KNOP1: variants seen among roughly 807,000 people sequenced by gnomAD.
KNOP1 encodes lysine-rich nucleolar protein 1.
Under a neutral mutation model 30.6 loss-of-function variants are expected in KNOP1, and 20 were observed. The observed-to-expected ratio is 0.65, with a 90% CI of 0.46 to 0.95. The LOEUF (loss-of-function observed/expected upper bound fraction) is 0.95. Among genes scored for constraint, KNOP1 ranks in the 40% least tolerant of loss-of-function variants. The pLI, the probability that KNOP1 is intolerant of heterozygous loss-of-function variation, is 0.00. For missense variants in KNOP1, 540 were observed against 562.0 expected (o/e 0.96, Z 0.40); for synonymous variants, 204 against 210.0 (o/e 0.97, Z 0.25).
At chr16:19,710,092 C>G (rs1479325285) in intron 4 of KNOP1, among the ~76,000 whole-genome samples, 1 of 152,146 alleles carries the variant, frequency 6.6e-6, no homozygotes. Flanking sequence ...ATTTCCCAGT[C>G]AGACTGGATC....
At chr16:19,708,431 C>T (rs1179320333) in intron 4 of KNOP1, among the ~76,000 whole-genome samples, 1 of 151,838 alleles carries the variant, frequency 6.6e-6, no homozygotes. Flanking sequence ...TGACCCTGCT[C>T]AAGTCCCCTA....
In KNOP1 at chr16:19,714,364, G is replaced by A. The variant is rs1244297717; in HGVS notation, c.672C>T (p.Ala224=). The change falls in exon 2 of 5, where the codon GCC becomes GCT. Residue 224 remains alanine, a synonymous_variant. Transcript: ENST00000219837. ...TGGAGGGCTTGGAGTGGCCTGGGAG[G>A]GCATCTCCCTCCTGGTGGATTTTTT... ...KKKKIHQEGD[A]LPGHSKPSRS... 3 of 1,613,960 alleles carry A rather than the reference G, an allele frequency of 1.9e-6. No individual in the cohort carries two copies. The East Asian group carries it at 6.7e-5, about 36-fold the overall frequency.
rs1236284958 is a variant in KNOP1, at chr16:19,706,815, G to C, written c.*95C>G. 3 of 1,352,422 alleles carry C rather than the reference G, an allele frequency of 2.2e-6. No homozygotes were observed. Among genetic ancestry groups the C allele is most frequent in the Non-Finnish European group, 3.1e-6 (3 of 969,152 alleles). 83.8% of individuals were successfully genotyped at this position (1,352,422 alleles called of 1,614,324 possible). A position where few individuals can be genotyped will look rare whatever the true frequency, so the allele number is the denominator to read the frequency against. On this transcript the variant is annotated 3_prime_UTR_variant, in exon 5 of 5. Transcript: ENST00000219837. ...TCTTACTGCTCGAGGTCCTCACCAA[G>C]ATCTGATTTTTTCACAAAAAAAATT...
intron 1 of KNOP1, chr16:19,717,765 C>T: frequency 1.0e-6 from 1 of 996,496 alleles, no homozygotes; most frequent in Non-Finnish European, 1.2e-6. Flanking sequence ...ATTCACTTGC[C>T]CTAGGTTCCA....
intron 1 of KNOP1, chr16:19,715,413 C>CTT (rs59694825): frequency 0.01 from 1,294 of 126,616 alleles, 33 homozygotes; most frequent in African/African-American, 0.033. Flanking sequence ...TTCTTTTTCT[C>CTT]TTTTTTTTTT....
At chr16:19,707,694 C>A (rs1452214910) in intron 4 of KNOP1, among the ~76,000 whole-genome samples, 2 of 119,734 alleles carry the variant, frequency 1.7e-5, no homozygotes, top group African/African-American at 6.5e-5. Context: ...AGCACACTCC[C>A]CCACCACTCT....
At chr16:19,717,959 G>A (rs956698950) in intron 1 of KNOP1, 199 bp downstream of exon 1, 27 of 1,244,906 alleles carry the variant, frequency 2.2e-5, no homozygotes, top group Non-Finnish European at 2.4e-5. Context: ...GGGATTACGT[G>A]GGGTCCCAGG....
In KNOP1 at chr16:19,706,784, T is replaced by C. The variant is rs1253300865; in HGVS notation, c.*126A>G. The C allele has an allele frequency of 3.1e-6, 3 of 959,934 alleles. No homozygotes were observed. Among genetic ancestry groups the C allele is most frequent in the Non-Finnish European group, 4.8e-6 (3 of 626,564 alleles). 59.5% of individuals were successfully genotyped at this position (959,934 alleles called of 1,614,324 possible). A position where few individuals can be genotyped will look rare whatever the true frequency, so the allele number is the denominator to read the frequency against. On this transcript the variant is annotated 3_prime_UTR_variant, in exon 5 of 5. Transcript: ENST00000219837. ...TGGAACGCTAAGCTTATGGGAGTTA[T>C]TTATATCTTACTGCTCGAGGTCCTC...
intron 3 of KNOP1, 92 bp from the exon 4 acceptor site, chr16:19,710,678 ACG>A: frequency 1.0e-6 from 1 of 1,003,568 alleles, no homozygotes; most frequent in South Asian, 1.3e-5. Context: ...GGGGAACGGA[ACG>A]TGGGAGGAAC....
rs1976356294 is a variant in KNOP1 at position 19,706,496 on chromosome 16, A to C, written c.*414T>G. 1 of 185,652 alleles carries C rather than the reference A, an allele frequency of 5.4e-6. No homozygotes were observed. Among genetic ancestry groups the C allele is most frequent in the South Asian group, 1.2e-4 (1 of 8,158 alleles). 11.5% of individuals were successfully genotyped at this position (185,652 alleles called of 1,614,324 possible). Reference sequence around the variant, plus strand: ...AGGAAAACACTAGTATGTCCCTAGTACCTGCTAAACACTCAACAAAAGTTA... The same window carrying C: ...AGGAAAACACTAGTATGTCCCTAGTCCCTGCTAAACACTCAACAAAAGTTA... On this transcript the variant is annotated 3_prime_UTR_variant, in exon 5 of 5. Coordinates refer to ENST00000219837, the MANE Select transcript of KNOP1 (RefSeq NM_001012991.3).
At chr16:19,713,203 G>A (rs979104873) in intron 2 of KNOP1, among the ~76,000 whole-genome samples, 27 of 151,828 alleles carry the variant, frequency 1.8e-4, no homozygotes, top group East Asian at 1.9e-4. Context: ...AGCAATTCTC[G>A]TGCCTCAGCC....
At chr16:19,713,081 C>A (rs1224874217) in intron 2 of KNOP1, among the ~76,000 whole-genome samples, 1 of 152,120 alleles carries the variant, frequency 6.6e-6, no homozygotes, top group Admixed American at 6.5e-5. Flanking sequence ...AGGACTGATA[C>A]CCGCCCTGTC....
In KNOP1 at chr16:19,706,908, G is replaced by A; in HGVS notation, c.*2C>T. On this transcript the variant is annotated 3_prime_UTR_variant, in exon 5 of 5. Coordinates refer to ENST00000219837, the MANE Select transcript of KNOP1 (RefSeq NM_001012991.3). ...AGTTTTGGGGGGACAAAACTCTAGA[G>A]TTTAATCTTCCAGCTTGACTGACTT... is the stretch of plus-strand genomic sequence containing the variant. 1.2e-6 allele frequency: 2 copies of A among 1,611,844 alleles called. No individual in the cohort carries two copies. Among genetic ancestry groups the A allele is most frequent in the East Asian group, 4.5e-5 (2 of 44,882 alleles).
At chr16:19,709,214 A>G (rs1597463520) in intron 4 of KNOP1, among the ~76,000 whole-genome samples, 1 of 152,186 alleles carries the variant, frequency 6.6e-6, no homozygotes, top group South Asian at 2.1e-4. Context: ...GTACCTGGCC[A>G]GAGTCCCACC....
chr16:19,713,816 A>G (rs1257901517), intron 2 of KNOP1, among the ~76,000 whole-genome samples: 1 of 152,156 alleles, frequency 6.6e-6, no homozygotes, highest in Non-Finnish European at 1.5e-5. Context: ...ATCCCAGTTA[A>G]TTCAGACCCC....
chr16:19,715,638 C>T (rs578228914), intron 1 of KNOP1, among the ~76,000 whole-genome samples: 87 of 152,008 alleles, frequency 5.7e-4, no homozygotes, highest in Admixed American at 1.3e-3. Context: ...CCAGGCTAGT[C>T]TCAAACTCCT....
At chr16:19,707,351 G>A (rs201788328) in intron 4 of KNOP1, 130 bp from the exon 5 acceptor site, 21 of 686,074 alleles carry the variant, frequency 3.1e-5, no homozygotes, top group East Asian at 5.3e-5. Flanking sequence ...GTGCTAATAA[G>A]CTCAACAACG....
chr16:19,707,326 T>C lies in KNOP1; in HGVS notation c.1066-105A>G, dbSNP rs534045788. ...AGGGCCCAGCAGATTAGATGGCTGC[T>C]GTGTACCAGGCACAGTGCTAATAAG... On this transcript the variant is annotated intron_variant, in intron 4 of 4. Coordinates refer to ENST00000219837, the MANE Select transcript of KNOP1 (RefSeq NM_001012991.3). 3.0e-5 allele frequency: 26 copies of C among 855,878 alleles called. No homozygotes were observed. In the East Asian group the frequency reaches 4.7e-4, roughly 16 times the overall value. 53.0% of individuals were successfully genotyped at this position (855,878 alleles called of 1,614,324 possible).
At chr16:19,708,589 C>T (rs1315296816) in intron 4 of KNOP1, among the ~76,000 whole-genome samples, 1 of 152,176 alleles carries the variant, frequency 6.6e-6, no homozygotes, top group Non-Finnish European at 1.5e-5. Context: ...CTGGCCACTC[C>T]TCTCCCCCTA....
Sources: gnomAD v4.1 joint callset for allele counts (sites outside exome capture counted in the v4.1 genomes callset) on GRCh38, gnomAD v4.1.1 for gene constraint, MANE v1.5 for transcripts, NCBI Gene and HGNC (gene_info 2026-07-23, HGNC 2026-07-21) for gene names.